Variants in KMT5A observed in about 807,000 individuals in gnomAD.
The protein encoded by KMT5A is lysine methyltransferase 5A.
A neutral mutation model predicts 40.6 loss-of-function variants in KMT5A; 6 were observed. That is an observed-to-expected ratio of 0.15 (90% confidence interval 0.08 to 0.29). KMT5A has a LOEUF of 0.29. KMT5A is among the 10% of genes least tolerant of loss of function. KMT5A has a pLI of 1.00. For missense variants in KMT5A, 308 were observed against 459.1 expected (o/e 0.67, Z 3.01); for synonymous variants, 153 against 178.8 (o/e 0.86, Z 1.15).
intron 5 of KMT5A, among the ~76,000 whole-genome samples, chr12:123,401,430 A>T (rs1878165171): frequency 6.7e-6 from 1 of 150,000 alleles, no homozygotes; most frequent in South Asian, 2.1e-4. Flanking sequence ...TAACAGGTGT[A>T]TATCTTTCTT....
intron 5 of KMT5A, among the ~76,000 whole-genome samples, chr12:123,402,444 T>C (rs1334467343): frequency 6.6e-6 from 1 of 152,156 alleles, no homozygotes. Context: ...CTGGAAAAGC[T>C]GCAAGCTGGT....
At position 123,389,472 on chromosome 12, in the gene KMT5A, C is replaced by T. The variant is rs1424196684; in HGVS notation, c.50C>T (p.Ala17Val). 2 of 1,112,606 alleles carry T rather than the reference C, an allele frequency of 1.8e-6. No individual in the cohort carries two copies. 68.9% of individuals were successfully genotyped at this position (1,112,606 alleles called of 1,614,324 possible). A position where few individuals can be genotyped will look rare whatever the true frequency, so the allele number is the denominator to read the frequency against. ...AAGCCCCGCGCGGTGGAGGCGGCGGCGGCGGCGGCGGCGGTGGCAGCGACG... is the reference window on the plus strand; with the variant it reads ...AAGCCCCGCGCGGTGGAGGCGGCGGTGGCGGCGGCGGCGGTGGCAGCGACG... ...MSKPRAVEAA[A>V]AAAAVAATAP... is the part of the protein sequence containing the mutation. Residue 17 changes from alanine to valine, a missense_variant, in exon 2 of 8, where the codon GCG becomes GTG. Coordinates refer to ENST00000402868, the MANE Select transcript of KMT5A (RefSeq NM_020382.7).
At chr12:123,395,621 A>G (rs1443076193) in intron 4 of KMT5A, among the ~76,000 whole-genome samples, 2 of 149,252 alleles carry the variant, frequency 1.3e-5, no homozygotes, top group African/African-American at 2.5e-5. Context: ...CTGGAGTGCA[A>G]TAGTGCGATC....
At chr12:123,398,429 TG>T (rs1398353886) in intron 5 of KMT5A, among the ~76,000 whole-genome samples, 1 of 151,666 alleles carries the variant, frequency 6.6e-6, no homozygotes, top group Non-Finnish European at 1.5e-5. Context: ...GACTTTAGGG[TG>T]GGGGGAGCCG....
Position 123,389,417 on chromosome 12 carries a change from G to A in KMT5A, c.11-16G>A. ...GAGCGCCCCCTCCCCCGCTTCCCCC[G>A]GGTCCCCTTCTCCAGGCAGGAAGAT... On this transcript the variant is annotated splice_polypyrimidine_tract_variant and intron_variant, in intron 1 of 7. Transcript: ENST00000402868. 1 of 1,032,342 alleles carries A rather than the reference G, an allele frequency of 9.7e-7. No individual in the cohort carries two copies. The highest frequency in any genetic ancestry group is 1.2e-6 in the Non-Finnish European group (1 of 864,336). 63.9% of individuals were successfully genotyped at this position (1,032,342 alleles called of 1,614,324 possible).
At chr12:123,406,682 C>G (rs1400949788) in intron 7 of KMT5A, among the ~76,000 whole-genome samples, 2 of 151,950 alleles carry the variant, frequency 1.3e-5, no homozygotes. Flanking sequence ...CATAAAGAGC[C>G]CTTTGGGTCC....
chr12:123,389,645 C>A, intron 2 of KMT5A, 91 bp downstream of exon 2: 1 of 929,854 alleles, frequency 1.1e-6, no homozygotes. Flanking sequence ...GCCCGGGGCG[C>A]CCGGCCGGGC....
chr12:123,384,158 T>C lies in KMT5A; in HGVS notation c.-41T>C, dbSNP rs1479700664. The C allele has an allele frequency of 1.2e-6, 2 of 1,613,022 alleles. No individual in the cohort carries two copies. Among genetic ancestry groups the C allele is most frequent in the Admixed American group, 1.7e-5 (1 of 59,894 alleles). ...AGTTGTTGCAACTTTTTTCGAAAGC[T>C]GGGTTTCCCGGGAGATCCCAGGCGG... On this transcript the variant is annotated 5_prime_UTR_variant, in exon 1 of 8. Coordinates refer to ENST00000402868, the MANE Select transcript of KMT5A (RefSeq NM_020382.7). The surrounding 1 kb of genome is among the most constrained non-coding windows in gnomAD (Gnocchi z 5.7).
intron 5 of KMT5A, among the ~76,000 whole-genome samples, chr12:123,403,078 G>C (rs961963998): frequency 6.6e-6 from 1 of 152,172 alleles, no homozygotes; most frequent in African/African-American, 2.4e-5. Context: ...GCTAATTTTT[G>C]TATCTTTAAT....
intron 3 of KMT5A, 49 bp from the exon 4 acceptor site, chr12:123,394,998 T>C (rs1877583608): frequency 6.8e-7 from 1 of 1,460,902 alleles, no homozygotes; most frequent in Non-Finnish European, 9.3e-7. Context: ...GTCTGGAAAT[T>C]GAGAGACAGT....
At chr12:123,389,631 A>G (rs965371260) in intron 2 of KMT5A, 77 bp downstream of exon 2, 2 of 986,960 alleles carry the variant, frequency 2.0e-6, no homozygotes, top group African/African-American at 1.8e-5. Context: ...GACCCCGGGT[A>G]CCCGCCCGGG....
intron 1 of KMT5A, among the ~76,000 whole-genome samples, chr12:123,385,417 A>G (rs572661959): frequency 6.6e-6 from 1 of 152,356 alleles, no homozygotes; most frequent in South Asian, 2.1e-4. Flanking sequence ...TTATCTGACA[A>G]ATTTTAATAA....
chr12:123,391,698 G>T (rs970572886), intron 3 of KMT5A, among the ~76,000 whole-genome samples: 1 of 152,198 alleles, frequency 6.6e-6, no homozygotes, highest in Admixed American at 6.5e-5. Flanking sequence ...AGCTGCAGTG[G>T]GGAGTGTCAG....
chr12:123,404,407 C>T (rs189545711), intron 6 of KMT5A, among the ~76,000 whole-genome samples: 12 of 152,256 alleles, frequency 7.9e-5, no homozygotes, highest in African/African-American at 2.4e-4. Flanking sequence ...GGAGAGAAAT[C>T]GTGGAATGAG....
chr12:123,389,941 G>A (rs1877163928), intron 2 of KMT5A: 4 of 409,258 alleles, frequency 9.8e-6, no homozygotes, highest in Non-Finnish European at 1.9e-5. Context: ...CTCAGAGGAG[G>A]GGCCCCACGC....
At chr12:123,390,151 G>A (rs745633003) in intron 2 of KMT5A, 1 of 466,410 alleles carries the variant, frequency 2.1e-6, no homozygotes, top group South Asian at 1.5e-5. Context: ...TTTGAGAGGG[G>A]TCAGGCTCCG....
chr12:123,402,430 G>A (rs1396966460), intron 5 of KMT5A, among the ~76,000 whole-genome samples: 3 of 152,214 alleles, frequency 2.0e-5, no homozygotes. Flanking sequence ...TGTGGATTGA[G>A]TGCCTGGAAA....
At chr12:123,402,786 C>G (rs571203572) in intron 5 of KMT5A, among the ~76,000 whole-genome samples, 1 of 152,280 alleles carries the variant, frequency 6.6e-6, no homozygotes, top group Non-Finnish European at 1.5e-5. Context: ...TCTCATCCAT[C>G]GTGGTGGCCT....
At chr12:123,405,836 T>C (rs1878509506) in intron 7 of KMT5A, among the ~76,000 whole-genome samples, 1 of 150,104 alleles carries the variant, frequency 6.7e-6, no homozygotes. Flanking sequence ...TTTTTTTCTT[T>C]TGAGACGGAG....
Sources: allele counts gnomAD v4.1 joint callset (sites outside exome capture counted in the v4.1 genomes callset), GRCh38; gene constraint gnomAD v4.1.1; non-coding constraint Gnocchi (gnomAD v3.1); transcripts MANE v1.5; gene names NCBI Gene and HGNC (gene_info 2026-07-23, HGNC 2026-07-21).